SLC25A21: variants seen among roughly 807,000 people sequenced by gnomAD.
SLC25A21 encodes the protein solute carrier family 25 member 21, also known as mitochondrial 2-oxodicarboxylate carrier.
In SLC25A21, 47 loss-of-function variants were observed where a neutral mutation model predicts 43.8. The observed-to-expected ratio is 1.07, with a 90% CI of 0.85 to 1.37. The LOEUF is 1.37. SLC25A21 is among the 40% of genes most tolerant of loss of function. SLC25A21 has a pLI of 0.00. For missense variants in SLC25A21, 352 were observed against 350.2 expected (o/e 1.00, Z -0.04); for synonymous variants, 131 against 121.3 (o/e 1.08, Z -0.52).
At chr14:36,881,934 T>A (rs889276974) in intron 1 of SLC25A21, among the ~76,000 whole-genome samples, 1 of 152,226 alleles carries the variant, frequency 6.6e-6, no homozygotes, top group Admixed American at 6.5e-5. Context: ...CTATACACAA[T>A]GTTATTATAC....
intron 3 of SLC25A21, among the ~76,000 whole-genome samples, chr14:36,779,991 T>C (rs1886992849): frequency 6.6e-6 from 1 of 151,980 alleles, no homozygotes; most frequent in Non-Finnish European, 1.5e-5. Flanking sequence ...CAGACTGTTA[T>C]ACTCATTCAG....
chr14:37,097,903 C>G (rs1354978317), intron 1 of SLC25A21: 1 of 150,150 alleles, frequency 6.7e-6, no homozygotes, highest in Non-Finnish European at 1.5e-5. Flanking sequence ...AAATAATAAT[C>G]AATCAATAGA....
chr14:36,686,657 G>A (rs1240267113), intron 7 of SLC25A21, among the ~76,000 whole-genome samples: 1 of 152,172 alleles, frequency 6.6e-6, no homozygotes, highest in Non-Finnish European at 1.5e-5. Context: ...GTTTTCTAAA[G>A]ATGCAAACAT....
At chr14:36,915,652 T>C (rs766888580) in intron 1 of SLC25A21, among the ~76,000 whole-genome samples, 10 of 152,132 alleles carry the variant, frequency 6.6e-5, no homozygotes, top group Admixed American at 1.3e-4. Context: ...CTGACTTTAA[T>C]TGAACAGTTA....
chr14:37,035,017 C>T (rs1961298612), intron 1 of SLC25A21, among the ~76,000 whole-genome samples: 1 of 152,126 alleles, frequency 6.6e-6, no homozygotes, highest in East Asian at 1.9e-4. Flanking sequence ...TAATAGTAGC[C>T]CTGTAATAAA....
chr14:36,957,475 A>G (rs1197306678), intron 1 of SLC25A21, among the ~76,000 whole-genome samples: 1 of 152,200 alleles, frequency 6.6e-6, no homozygotes, highest in African/African-American at 2.4e-5. Context: ...CATCTATAAC[A>G]TAAGTGGGTT....
chr14:36,898,647 G>C (rs982608429), intron 1 of SLC25A21, among the ~76,000 whole-genome samples: 1 of 152,090 alleles, frequency 6.6e-6, no homozygotes, highest in Non-Finnish European at 1.5e-5. Flanking sequence ...CTGTAGACTG[G>C]AGCTGTTCCT....
chr14:37,032,840 A>G (rs1371209711), intron 1 of SLC25A21, among the ~76,000 whole-genome samples: 1 of 152,192 alleles, frequency 6.6e-6, no homozygotes, highest in Non-Finnish European at 1.5e-5. Context: ...TATTTAAATT[A>G]CCAATCTGCG....
chr14:37,070,161 C>A (rs1203222820), intron 1 of SLC25A21, among the ~76,000 whole-genome samples: 1 of 152,104 alleles, frequency 6.6e-6, no homozygotes, highest in African/African-American at 2.4e-5. Flanking sequence ...CCATCCTAAT[C>A]GGACTCTAAT....
intron 1 of SLC25A21, among the ~76,000 whole-genome samples, chr14:36,985,314 T>C (rs1960122469): frequency 6.6e-6 from 1 of 152,098 alleles, no homozygotes; most frequent in South Asian, 2.1e-4. Flanking sequence ...TATATATATG[T>C]AACTAACCTG....
intron 1 of SLC25A21, among the ~76,000 whole-genome samples, chr14:37,014,334 T>C (rs952067549): frequency 7.2e-5 from 11 of 152,160 alleles, no homozygotes; most frequent in African/African-American, 2.4e-4. Context: ...GACAACTAAG[T>C]TTATGAAATG....
At chr14:37,161,715 C>G (rs902931093) in intron 1 of SLC25A21, among the ~76,000 whole-genome samples, 9 of 151,838 alleles carry the variant, frequency 5.9e-5, no homozygotes, top group Non-Finnish European at 8.8e-5. Context: ...AATCCCAGCG[C>G]TTTGGGAGGC....
chr14:36,775,414 T>A (rs1886786559), intron 3 of SLC25A21, among the ~76,000 whole-genome samples: 3 of 152,196 alleles, frequency 2.0e-5, no homozygotes, highest in Admixed American at 2.0e-4. Context: ...CTAATTTATA[T>A]AATATTACAA....
rs757483848 is a variant in SLC25A21, at chr14:37,154,566, T to C, written c.70+17715A>G. On this transcript the variant is annotated intron_variant, in intron 1 of 9. Transcript: ENST00000331299. ...CAAAATCCCAGTATAATGCAAAATA[T>C]TGATTTTAAAGAAACTCAGTACAAA... Among the ~76,000 whole-genome samples, 124 of 152,086 alleles carry C rather than the reference T, an allele frequency of 8.2e-4. 1 individual carries two copies. Among genetic ancestry groups the C allele is most frequent in the Non-Finnish European group, 7.5e-4 (51 of 68,022 alleles).
chr14:36,893,460 T>C (rs1891143174), intron 1 of SLC25A21, among the ~76,000 whole-genome samples: 1 of 152,106 alleles, frequency 6.6e-6, no homozygotes. Context: ...GACAGATGAG[T>C]AGATTGCAAA....
At chr14:37,032,799 G>A (rs1199134883) in intron 1 of SLC25A21, among the ~76,000 whole-genome samples, 1 of 151,914 alleles carries the variant, frequency 6.6e-6, no homozygotes, top group Non-Finnish European at 1.5e-5. Context: ...TACTATTCAG[G>A]AAAATTTAGC....
intron 1 of SLC25A21, among the ~76,000 whole-genome samples, chr14:37,141,716 A>G (rs1404246566): frequency 6.6e-6 from 1 of 152,152 alleles, no homozygotes; most frequent in East Asian, 1.9e-4. Flanking sequence ...TATTACTCAA[A>G]ATACCTGAAA....
intron 6 of SLC25A21, among the ~76,000 whole-genome samples, chr14:36,717,546 T>C (rs1232102555): frequency 6.6e-6 from 1 of 152,206 alleles, no homozygotes; most frequent in Admixed American, 6.5e-5. Flanking sequence ...CTGCAGGTGA[T>C]GAGACGCTCA....
At chr14:37,057,114 A>G (rs1235091110) in intron 1 of SLC25A21, among the ~76,000 whole-genome samples, 1 of 152,094 alleles carries the variant, frequency 6.6e-6, no homozygotes, top group Non-Finnish European at 1.5e-5. Context: ...ATGCATTATC[A>G]TTTTCTTCCC....
Sources: gnomAD v4.1 joint callset for allele counts (sites outside exome capture counted in the v4.1 genomes callset) on GRCh38, gnomAD v4.1.1 for gene constraint, MANE v1.5 for transcripts, NCBI Gene and HGNC (gene_info 2026-07-23, HGNC 2026-07-21) for gene names.